The following ARB2A variants were observed in gnomAD, a reference collection of about 807,000 sequenced individuals.
ARB2A encodes the protein ARB2 cotranscriptional regulator A.
the ARB2A span, among the ~76,000 whole-genome samples, chr5:93,634,271 G>A: frequency 1.3e-5 from 2 of 151,724 alleles, no homozygotes; most frequent in Admixed American, 6.6e-5. Context: ...GTGGTGGTGC[G>A]GGCCCGTAGT....
chr5:93,677,538 A>G, the ARB2A span, among the ~76,000 whole-genome samples: 1 of 152,228 alleles, frequency 6.6e-6, no homozygotes, highest in South Asian at 2.1e-4. Context: ...CCCCACTAAG[A>G]TCAAATTACA....
At chr5:93,693,017 A>G in the ARB2A span, among the ~76,000 whole-genome samples, 2 of 152,234 alleles carry the variant, frequency 1.3e-5, no homozygotes, top group African/African-American at 4.8e-5. Flanking sequence ...GAACAAAGAC[A>G]CAATGTACCA....
chr5:93,891,749 T>C, the ARB2A span, among the ~76,000 whole-genome samples: 2 of 152,084 alleles, frequency 1.3e-5, no homozygotes, highest in African/African-American at 2.4e-5. Context: ...GACTTGTATA[T>C]TATACTCATT....
chr5:93,937,624 G>A, the ARB2A span, among the ~76,000 whole-genome samples: 1 of 151,436 alleles, frequency 6.6e-6, no homozygotes, highest in Non-Finnish European at 1.5e-5. Context: ...AAAAAAAAGA[G>A]AGTGTGTCAT....
the ARB2A span, among the ~76,000 whole-genome samples, chr5:93,870,438 T>C: frequency 1.3e-5 from 2 of 152,216 alleles, no homozygotes; most frequent in African/African-American, 4.8e-5. Context: ...TATAAATAAA[T>C]GTTAATAAAC....
the ARB2A span, among the ~76,000 whole-genome samples, chr5:94,028,879 A>G: frequency 6.6e-6 from 1 of 152,158 alleles, no homozygotes; most frequent in Non-Finnish European, 1.5e-5. Flanking sequence ...TAATACCGTT[A>G]TCTCCCTTAA....
At chr5:94,110,337 G>A in the ARB2A span, among the ~76,000 whole-genome samples, 1 of 152,160 alleles carries the variant, frequency 6.6e-6, no homozygotes, top group African/African-American at 2.4e-5. Flanking sequence ...CACACTGAAG[G>A]TTGCCAGTAA....
chr5:93,734,817 C>G, the ARB2A span: 1 of 145,472 alleles, frequency 6.9e-6, no homozygotes, highest in African/African-American at 2.5e-5. Flanking sequence ...TTTTCTTTTG[C>G]TTTTTTTTTT....
the ARB2A span, among the ~76,000 whole-genome samples, chr5:93,694,744 A>T: frequency 6.6e-6 from 1 of 152,194 alleles, no homozygotes; most frequent in Admixed American, 6.5e-5. Context: ...AATCCTAAGC[A>T]CAAAGAAAAA....
the ARB2A span, chr5:93,784,059 T>C: frequency 1.7e-5 from 3 of 177,486 alleles, no homozygotes; most frequent in Non-Finnish European, 3.5e-5. Flanking sequence ...GCTAAATAAC[T>C]GGTGGAAAAA....
the ARB2A span, among the ~76,000 whole-genome samples, chr5:93,853,627 A>G: frequency 5.9e-5 from 9 of 152,078 alleles, no homozygotes; most frequent in Admixed American, 2.0e-4. Flanking sequence ...TTTGAGATAC[A>G]TCCCATCAAT....
At chr5:93,923,769 A>C in the ARB2A span, among the ~76,000 whole-genome samples, 3 of 152,170 alleles carry the variant, frequency 2.0e-5, no homozygotes, top group African/African-American at 7.2e-5. Flanking sequence ...TGATCACACC[A>C]CTGCATTTCA....
the ARB2A span, among the ~76,000 whole-genome samples, chr5:93,954,575 G>A: frequency 6.6e-6 from 1 of 151,698 alleles, no homozygotes; most frequent in African/African-American, 2.4e-5. Context: ...CTTGGGCTGC[G>A]AGCTGTGTTG....
chr5:93,669,649 T>C, the ARB2A span, among the ~76,000 whole-genome samples: 2 of 152,186 alleles, frequency 1.3e-5, no homozygotes, highest in Non-Finnish European at 2.9e-5. Context: ...CCTTTCCCCA[T>C]TGCAGTATGC....
chr5:93,740,190 C>T, the ARB2A span: 1 of 163,176 alleles, frequency 6.1e-6, no homozygotes, highest in African/African-American at 2.4e-5. Context: ...CTAAGGTAGT[C>T]TTCTGTGACT....
chr5:93,657,241 A>G, the ARB2A span, among the ~76,000 whole-genome samples: 1 of 152,122 alleles, frequency 6.6e-6, no homozygotes, highest in African/African-American at 2.4e-5. Flanking sequence ...ATCCGCAATT[A>G]CTCTCAGAAA....
the ARB2A span, among the ~76,000 whole-genome samples, chr5:93,990,619 G>C: frequency 4.9e-5 from 1 of 20,242 alleles, no homozygotes; most frequent in Non-Finnish European, 9.0e-5. Flanking sequence ...TCTACCATGA[G>C]TAAAAAAAAA....
the ARB2A span, chr5:93,621,246 C>CCTCCCGCCTGCGCCCCGCCT: frequency 1.1e-6 from 1 of 929,936 alleles, no homozygotes; most frequent in Non-Finnish European, 1.4e-6. Flanking sequence ...CCTCCCCGCC[C>CCTCCCGCCTGCGCCCCGCCT]CTCCCGCCTG....
the ARB2A span, among the ~76,000 whole-genome samples, chr5:93,988,489 G>C: frequency 6.6e-6 from 1 of 152,060 alleles, no homozygotes; most frequent in Non-Finnish European, 1.5e-5. Context: ...CTTTGCTTAC[G>C]TTAACATCTC....
Sources: gnomAD v4.1 joint callset for allele counts (sites outside exome capture counted in the v4.1 genomes callset) on GRCh38, gnomAD v4.1.1 for gene constraint, MANE v1.5 for transcripts, NCBI Gene and HGNC (gene_info 2026-07-23, HGNC 2026-07-21) for gene names.